LRRTM4: variants seen among roughly 807,000 people sequenced by gnomAD.
LRRTM4 encodes the protein leucine rich repeat transmembrane neuronal 4.
A neutral mutation model predicts 47.6 loss-of-function variants in LRRTM4; 25 were observed. The observed-to-expected ratio is 0.53, with a 90% CI of 0.38 to 0.73. LRRTM4 has a LOEUF of 0.73. LRRTM4 is among the 30% of genes least tolerant of loss of function. The pLI is 0.00. For synonymous variants in LRRTM4, 311 were observed against 269.5 expected (o/e 1.15, Z -1.51); for missense variants, 638 against 713.4 (o/e 0.89, Z 1.20).
intron 3 of LRRTM4, among the ~76,000 whole-genome samples, chr2:76,816,810 AG>A (rs758615704): frequency 2.2e-4 from 25 of 115,302 alleles, no homozygotes; most frequent in Non-Finnish European, 4.0e-4. Context: ...TTTTACTTAG[AG>A]GTAAAGAGTT....
chr2:76,781,677 C>G (rs976388107), intron 3 of LRRTM4, among the ~76,000 whole-genome samples: 3 of 152,228 alleles, frequency 2.0e-5, no homozygotes, highest in Non-Finnish European at 4.4e-5. Context: ...GAGATTAACC[C>G]GGTACCTCAG....
chr2:76,997,821 C>A (rs1677255669), intron 3 of LRRTM4, among the ~76,000 whole-genome samples: 1 of 152,024 alleles, frequency 6.6e-6, no homozygotes, highest in Non-Finnish European at 1.5e-5. Flanking sequence ...CTATAGCTTG[C>A]ATTGCTGCCT....
Position 76,880,757 on chromosome 2 carries a change from C to T in LRRTM4, c.1552-131841G>A, listed in dbSNP as rs571959110. On this transcript the variant is annotated intron_variant, in intron 3 of 3. Transcript: ENST00000409884. Reference sequence around the variant, plus strand: ...GCTTATGACTAGAGAGGTAATTAAACGAACTTTTCAGAGTGGGCAAACACA... The same window carrying T: ...GCTTATGACTAGAGAGGTAATTAAATGAACTTTTCAGAGTGGGCAAACACA... Among the ~76,000 whole-genome samples the T allele has an allele frequency of 2.1e-4, 32 of 152,228 alleles. 1 individual carries two copies. In the South Asian group the frequency reaches 5.4e-3, roughly 26 times the overall value.
At chr2:77,242,912 A>G (rs1023092273) in intron 3 of LRRTM4, among the ~76,000 whole-genome samples, 2 of 152,164 alleles carry the variant, frequency 1.3e-5, no homozygotes, top group Admixed American at 6.5e-5. Flanking sequence ...TTGAAAAAGT[A>G]TCTATACACC....
At chr2:76,950,802 GTTCAGCCATATTAAGACTAGA>G (rs1057290197) in intron 3 of LRRTM4, among the ~76,000 whole-genome samples, 3 of 151,898 alleles carry the variant, frequency 2.0e-5, no homozygotes, top group Non-Finnish European at 2.9e-5. Context: ...TTTAGAAAGG[GTTCAGCCATATTAAGACTAGA>G]TTCAGCCATA....
At chr2:77,200,800 ACTGTT>A (rs1673952526) in intron 3 of LRRTM4, among the ~76,000 whole-genome samples, 1 of 152,118 alleles carries the variant, frequency 6.6e-6, no homozygotes, top group South Asian at 2.1e-4. Context: ...TAATATGATG[ACTGTT>A]CTCCTTTACC....
chr2:77,333,605 G>GCT (rs1671049158), intron 3 of LRRTM4, among the ~76,000 whole-genome samples: 1 of 152,198 alleles, frequency 6.6e-6, no homozygotes, highest in African/African-American at 2.4e-5. Context: ...ATTGAGGTTT[G>GCT]AGAATCTCAG....
intron 3 of LRRTM4, among the ~76,000 whole-genome samples, chr2:77,023,370 T>C (rs1430949757): frequency 1.3e-5 from 2 of 152,196 alleles, no homozygotes; most frequent in African/African-American, 4.8e-5. Flanking sequence ...GCCTTGGGGA[T>C]TAACTAACAT....
chr2:77,254,416 C>A (rs1452223353), intron 3 of LRRTM4, among the ~76,000 whole-genome samples: 1 of 151,698 alleles, frequency 6.6e-6, no homozygotes, highest in Non-Finnish European at 1.5e-5. Context: ...CAAACTTACC[C>A]TAAAAGAACA....
chr2:77,518,075 T>C, intron 3 of LRRTM4: 1 of 1,249,186 alleles, frequency 8.0e-7, no homozygotes, highest in African/African-American at 1.6e-5. Flanking sequence ...TGTTTTAACA[T>C]AGTGCTTTAT....
chr2:76,888,591 T>C (rs541736570), intron 3 of LRRTM4, among the ~76,000 whole-genome samples: 2 of 151,948 alleles, frequency 1.3e-5, no homozygotes, highest in East Asian at 1.9e-4. Flanking sequence ...TTAATAGATA[T>C]ACTTTGCAAT....
chr2:77,408,064 A>G (rs1674281550), intron 3 of LRRTM4, among the ~76,000 whole-genome samples: 1 of 152,110 alleles, frequency 6.6e-6, no homozygotes, highest in African/African-American at 2.4e-5. Flanking sequence ...AGGAATCTCT[A>G]TCTCCACATT....
intron 3 of LRRTM4, among the ~76,000 whole-genome samples, chr2:76,822,281 A>G (rs903439826): frequency 2.0e-5 from 3 of 151,558 alleles, no homozygotes; most frequent in African/African-American, 7.3e-5. Context: ...TTGACTAAGA[A>G]AAAAGCAGAA....
Position 76,998,587 on chromosome 2 carries a change from T to C in LRRTM4, c.1552-249671A>G, listed in dbSNP as rs144217297. 3.9e-3 allele frequency among the ~76,000 whole-genome samples: 597 copies of C among 151,660 alleles called. 1 individual carries two copies. Among genetic ancestry groups the C allele is most frequent in the African/African-American group, 0.014 (571 of 41,434 alleles). On this transcript the variant is annotated intron_variant, in intron 3 of 3. Coordinates refer to ENST00000409884, the MANE Select transcript of LRRTM4 (RefSeq NM_001134745.3). Reference sequence around the variant, plus strand: ...AGGATGAGACCCAGGAATCTGCACATTTAACAAGAAACCCCAGGCAATTTT... The same window carrying C: ...AGGATGAGACCCAGGAATCTGCACACTTAACAAGAAACCCCAGGCAATTTT...
chr2:77,054,304 T>C (rs979428893), intron 3 of LRRTM4, among the ~76,000 whole-genome samples: 1 of 152,212 alleles, frequency 6.6e-6, no homozygotes, highest in Non-Finnish European at 1.5e-5. Flanking sequence ...GAAAATTACA[T>C]TGTACATTGT....
chr2:77,381,246 G>A (rs1673039849), intron 3 of LRRTM4, among the ~76,000 whole-genome samples: 1 of 151,874 alleles, frequency 6.6e-6, no homozygotes, highest in South Asian at 2.1e-4. Context: ...TATATTGAAA[G>A]CACCAAAAAT....
At position 77,054,833 on chromosome 2, in the gene LRRTM4, G is replaced by C. The variant is rs572430603; in HGVS notation, c.1552-305917C>G. Among the ~76,000 whole-genome samples, 4 of 152,220 alleles carry C rather than the reference G, an allele frequency of 2.6e-5. No homozygotes were observed. In the South Asian group the frequency reaches 8.3e-4, roughly 31 times the overall value. ...GTTTTTAAAAGTAAAGCAGGCATCA[G>C]TGACTGGAAAAATTGCAAAATCAGT... is the stretch of plus-strand genomic sequence containing the variant. On this transcript the variant is annotated intron_variant, in intron 3 of 3. Coordinates refer to ENST00000409884, the MANE Select transcript of LRRTM4 (RefSeq NM_001134745.3).
intron 3 of LRRTM4, among the ~76,000 whole-genome samples, chr2:77,342,715 T>C (rs931246432): frequency 3.3e-5 from 5 of 151,892 alleles, no homozygotes; most frequent in African/African-American, 9.7e-5. Flanking sequence ...CTAGATGGTG[T>C]AGGTTGTTTT....
chr2:76,927,500 T>A (rs749528073), intron 3 of LRRTM4, among the ~76,000 whole-genome samples: 4 of 152,076 alleles, frequency 2.6e-5, no homozygotes, highest in Non-Finnish European at 5.9e-5. Flanking sequence ...TGGAAAGGCT[T>A]CCTGGTAGAT....
Sources: allele counts gnomAD v4.1 joint callset (sites outside exome capture counted in the v4.1 genomes callset), GRCh38; gene constraint gnomAD v4.1.1; transcripts MANE v1.5; gene names NCBI Gene and HGNC (gene_info 2026-07-23, HGNC 2026-07-21).